The following NAMPT variants were observed in gnomAD, a reference collection of about 807,000 sequenced individuals.
The protein encoded by NAMPT is nicotinamide phosphoribosyltransferase.
Under a neutral mutation model 58.7 loss-of-function variants are expected in NAMPT, and 7 were observed. That is an observed-to-expected ratio of 0.12 (90% CI 0.07 to 0.22). The LOEUF (loss-of-function observed/expected upper bound fraction) is 0.22. NAMPT is among the 10% of genes least tolerant of loss of function. NAMPT has a pLI of 1.00. For missense variants in NAMPT, 271 were observed against 567.9 expected (o/e 0.48, Z 5.31); for synonymous variants, 145 against 198.1 (o/e 0.73, Z 2.25).
chr7:106,274,409 G>A (rs1792594014), intron 3 of NAMPT, among the ~76,000 whole-genome samples: 1 of 152,034 alleles, frequency 6.6e-6, no homozygotes, highest in Admixed American at 6.6e-5. Context: ...TAACATGGGG[G>A]ATGCGGGGAG....
chr7:106,269,120 A>G, intron 5 of NAMPT, 34 bp downstream of exon 5: 1 of 1,580,296 alleles, frequency 6.3e-7, no homozygotes, highest in Non-Finnish European at 8.6e-7. Flanking sequence ...AACAATCCAC[A>G]TTATATTAAA....
At position 106,268,586 on chromosome 7, in the gene NAMPT, TCCTATG is replaced by T. The variant is rs1792472519; in HGVS notation, c.615_620del (p.Ile206_Gly207del). 1 of 1,609,576 alleles carries T rather than the reference TCCTATG, an allele frequency of 6.2e-7. No homozygotes were observed. The highest frequency in any genetic ancestry group is 1.7e-5 in the Admixed American group (1 of 59,992). On this transcript the variant is annotated inframe_deletion, in exon 6 of 11. Transcript: ENST00000222553. ...TGAAGTTAACCAAGTGAGCAGATGC[TCCTATG>T]CCAGCAGTCTGGAAAATCAATCATA...
intron 9 of NAMPT, chr7:106,253,746 C>T (rs1361269571): frequency 6.5e-6 from 1 of 153,594 alleles, no homozygotes; most frequent in Non-Finnish European, 1.5e-5. Context: ...GGCAGTGGAA[C>T]AAGCAGCAAC....
chr7:106,259,819 C>A (rs952761900), intron 8 of NAMPT, among the ~76,000 whole-genome samples: 4 of 151,952 alleles, frequency 2.6e-5, no homozygotes, highest in Non-Finnish European at 5.9e-5. Context: ...ACAACATTAA[C>A]CTCTTTGTAC....
At chr7:106,253,869 A>C (rs889252949) in intron 9 of NAMPT, among the ~76,000 whole-genome samples, 1 of 152,068 alleles carries the variant, frequency 6.6e-6, no homozygotes, top group Non-Finnish European at 1.5e-5. Context: ...GCTCTATAGA[A>C]TCTCCAGCTC....
rs1165589499 is a variant in NAMPT, at chr7:106,284,878, G to A, written c.7C>T (p.Pro3Ser). MN[P>S]AAEAEFNILL... is the part of the protein sequence containing the mutation. Reference sequence around the variant, plus strand: ...ATGTTGAACTCGGCTTCTGCCGCAGGATTCATCTCGGGCCGGAGGACAGGG... The same window carrying A: ...ATGTTGAACTCGGCTTCTGCCGCAGAATTCATCTCGGGCCGGAGGACAGGG... Residue 3 changes from proline (P) to serine (S), a missense_variant, in exon 1 of 11, where the codon CCT (proline) becomes TCT (serine). Pro to Ser is a moderately conservative substitution (Grantham distance 74, BLOSUM62 -1). Coordinates refer to ENST00000222553, the MANE Select transcript of NAMPT (RefSeq NM_005746.3). The A allele has an allele frequency of 1.9e-6, 3 of 1,584,738 alleles. No homozygotes were observed. Among genetic ancestry groups the A allele is most frequent in the Non-Finnish European group, 2.6e-6 (3 of 1,164,898 alleles).
intron 8 of NAMPT, among the ~76,000 whole-genome samples, chr7:106,256,389 C>T (rs1300361672): frequency 6.6e-6 from 1 of 152,196 alleles, no homozygotes; most frequent in Non-Finnish European, 1.5e-5. Context: ...AAGAGTGAGG[C>T]TGACGTCAAG....
At chr7:106,267,890 T>A (rs1174147696) in intron 6 of NAMPT, among the ~76,000 whole-genome samples, 1 of 130,446 alleles carries the variant, frequency 7.7e-6, no homozygotes, top group African/African-American at 2.8e-5. Flanking sequence ...CCTGATTTAC[T>A]TTTAATAAAG....
intron 1 of NAMPT, chr7:106,284,359 G>GGGGCGAGCGCGCC (rs1416414096): frequency 8.9e-6 from 1 of 112,826 alleles, no homozygotes; most frequent in African/African-American, 3.5e-5. Flanking sequence ...TGCCCAGCCA[G>GGGGCGAGCGCGCC]GGGCGAGCGC....
intron 1 of NAMPT, among the ~76,000 whole-genome samples, chr7:106,278,825 G>A (rs1586027543): frequency 6.6e-6 from 1 of 152,114 alleles, no homozygotes; most frequent in Admixed American, 6.5e-5. Context: ...AAGCACACAC[G>A]ATGAAGTAAA....
intron 2 of NAMPT, 191 bp from the exon 3 acceptor site, chr7:106,275,240 A>G: frequency 2.6e-6 from 1 of 378,008 alleles, no homozygotes; most frequent in Non-Finnish European, 4.8e-6. Context: ...AACTCAAAGT[A>G]TAAATGTTTA....
intron 7 of NAMPT, 68 bp from the exon 8 acceptor site, chr7:106,261,775 G>A (rs1343567700): frequency 6.7e-7 from 1 of 1,482,804 alleles, no homozygotes; most frequent in African/African-American, 1.4e-5. Flanking sequence ...GCTTTTCAAA[G>A]TTAAATGATT....
intron 5 of NAMPT, 29 bp from the exon 6 acceptor site, chr7:106,268,629 A>G (rs758488881): frequency 1.3e-6 from 2 of 1,564,706 alleles, no homozygotes; most frequent in Non-Finnish European, 1.8e-6. Flanking sequence ...ACCAAAATCC[A>G]AAACAGAAAG....
At chr7:106,255,400 C>A (rs1792182741) in intron 8 of NAMPT, among the ~76,000 whole-genome samples, 1 of 152,158 alleles carries the variant, frequency 6.6e-6, no homozygotes, top group Non-Finnish European at 1.5e-5. Flanking sequence ...TTAAACAGAA[C>A]TTTCAGAAGT....
chr7:106,280,170 G>C (rs1792733524), intron 1 of NAMPT, among the ~76,000 whole-genome samples: 1 of 152,146 alleles, frequency 6.6e-6, no homozygotes, highest in Non-Finnish European at 1.5e-5. Flanking sequence ...AAAGAGTGCA[G>C]GAGTTAGGGG....
upstream of NAMPT, chr7:106,285,683 C>A (rs565589086): frequency 1.8e-5 from 12 of 657,554 alleles, no homozygotes; most frequent in South Asian, 3.4e-4. Flanking sequence ...GATGCAGCGA[C>A]TCCGCTTTCC....
chr7:106,270,868 A>C (rs1792517797), intron 4 of NAMPT, among the ~76,000 whole-genome samples: 2 of 152,242 alleles, frequency 1.3e-5, no homozygotes, highest in Non-Finnish European at 2.9e-5. Flanking sequence ...ATCAGGAGAA[A>C]TAATAGTTGC....
chr7:106,267,940 T>A (rs189407633), intron 6 of NAMPT, among the ~76,000 whole-genome samples: 1 of 150,534 alleles, frequency 6.6e-6, no homozygotes, highest in East Asian at 1.9e-4. Context: ...TAGATTGTAA[T>A]TTCTTTCTTG....
chr7:106,274,782 G>C (rs1792601906), intron 3 of NAMPT, among the ~76,000 whole-genome samples, 164 bp downstream of exon 3: 1 of 152,176 alleles, frequency 6.6e-6, no homozygotes, highest in African/African-American at 2.4e-5. Context: ...TTGAACCTAG[G>C]AAGCAGAGGT....
Sources: allele counts gnomAD v4.1 joint callset (sites outside exome capture counted in the v4.1 genomes callset), GRCh38; gene constraint gnomAD v4.1.1; transcripts MANE v1.5; gene names NCBI Gene and HGNC (gene_info 2026-07-23, HGNC 2026-07-21).